The following MAP2 variants were observed in gnomAD, a reference collection of about 807,000 sequenced individuals.
MAP2 encodes microtubule associated protein 2.
In MAP2, 14 loss-of-function variants were observed where a neutral mutation model predicts 137.6. The observed-to-expected ratio is 0.10, with a 90% CI of 0.07 to 0.16. The LOEUF is 0.16. Among genes scored for constraint, MAP2 ranks in the 10% least tolerant of loss-of-function variants. The probability of loss-of-function intolerance (pLI) is 1.00; values close to 1 mark genes in which losing one functional copy is unlikely to be tolerated. For synonymous variants in MAP2, 786 were observed against 782.3 expected (o/e 1.00, Z -0.08); for missense variants, 2,088 against 2,191.5 (o/e 0.95, Z 0.94).
intron 3 of MAP2, among the ~76,000 whole-genome samples, chr2:209,595,061 T>G (rs1030774324): frequency 3.3e-5 from 5 of 152,128 alleles, no homozygotes; most frequent in Non-Finnish European, 7.4e-5. Flanking sequence ...GAACTAGAAA[T>G]TATATGGTGG....
chr2:209,455,667 C>G (rs1464819093), intron 1 of MAP2, among the ~76,000 whole-genome samples: 3 of 152,148 alleles, frequency 2.0e-5, no homozygotes, highest in African/African-American at 7.2e-5. Context: ...ATATGTAGAG[C>G]TGGATGACTC....
intron 1 of MAP2, among the ~76,000 whole-genome samples, chr2:209,478,804 G>A (rs1261720494): frequency 6.6e-6 from 1 of 152,068 alleles, no homozygotes; most frequent in East Asian, 1.9e-4. Flanking sequence ...TGTTTTAATT[G>A]ATGTCTTGTG....
chr2:209,637,670 C>G (rs960007877), intron 4 of MAP2, among the ~76,000 whole-genome samples: 7 of 152,048 alleles, frequency 4.6e-5, no homozygotes, highest in Admixed American at 2.6e-4. Flanking sequence ...TTTCTCCTCA[C>G]TTACTACAGT....
chr2:209,571,569 C>A (rs911451543), intron 2 of MAP2, among the ~76,000 whole-genome samples: 2 of 151,956 alleles, frequency 1.3e-5, no homozygotes, highest in African/African-American at 4.8e-5. Context: ...TTATAGTTTT[C>A]CTTTCAACCT....
chr2:209,693,569 G>A lies in MAP2; in HGVS notation c.1399G>A (p.Asp467Asn). The change falls in exon 8 of 16, where the codon GAT becomes AAT. Residue 467 changes from aspartate to asparagine, a missense_variant. Asp to Asn is a conservative substitution (Grantham distance 23). Transcript: ENST00000682079. ...AGAGAGTAAACCCCCAAAACCTGCAGATGAAGAAATAGGCATAATTCAGAC... is the reference window on the plus strand; with the variant it reads ...AGAGAGTAAACCCCCAAAACCTGCAAATGAAGAAATAGGCATAATTCAGAC... ...PKESKPPKPA[D>N]EEIGIIQTST... is the part of the protein sequence containing the mutation. 1 of 1,612,998 alleles carries A rather than the reference G, an allele frequency of 6.2e-7. No individual in the cohort carries two copies. Among genetic ancestry groups the A allele is most frequent in the South Asian group, 1.1e-5 (1 of 90,758 alleles).
chr2:209,577,503 T>C (rs1420773888), intron 2 of MAP2, among the ~76,000 whole-genome samples: 1 of 152,174 alleles, frequency 6.6e-6, no homozygotes, highest in East Asian at 1.9e-4. Flanking sequence ...CAGTAAAATA[T>C]GAAGGTCAAA....
chr2:209,604,139 G>C (rs563537749), intron 3 of MAP2, among the ~76,000 whole-genome samples: 2 of 152,274 alleles, frequency 1.3e-5, no homozygotes, highest in African/African-American at 4.8e-5. Flanking sequence ...GTGCCAACAA[G>C]AAGGCTATAG....
At chr2:209,657,528 G>A (rs972133381) in intron 5 of MAP2, among the ~76,000 whole-genome samples, 1 of 152,148 alleles carries the variant, frequency 6.6e-6, no homozygotes, top group Non-Finnish European at 1.5e-5. Flanking sequence ...GTGATGATTA[G>A]TGATGTTGAG....
intron 11 of MAP2, among the ~76,000 whole-genome samples, chr2:209,702,117 A>G (rs1583963431): frequency 6.6e-6 from 1 of 152,072 alleles, no homozygotes; most frequent in East Asian, 1.9e-4. Flanking sequence ...AGGAGCAGAT[A>G]TAGAAAATAA....
In MAP2 at chr2:209,695,192, A is replaced by G; in HGVS notation, c.3022A>G (p.Thr1008Ala). Residue 1008 changes from threonine (T) to alanine (A), a missense_variant, in exon 8 of 16, where the codon ACA (threonine) becomes GCA (alanine). Thr to Ala is a moderately conservative substitution (Grantham distance 58). Coordinates refer to ENST00000682079, the MANE Select transcript of MAP2 (RefSeq NM_001375505.1). ...QALAKDLSIP[T>A]DASSEKAEKG... ...TTTGGCCAAAGATTTGTCAATACCA[A>G]CAGATGCATCCTCTGAGAAAGCAGA... 2 of 1,614,208 alleles carry G rather than the reference A, an allele frequency of 1.2e-6. No homozygotes were observed. Among genetic ancestry groups the G allele is most frequent in the Non-Finnish European group, 1.7e-6 (2 of 1,180,024 alleles).
At chr2:209,655,890 A>T (rs767762995) in intron 5 of MAP2, among the ~76,000 whole-genome samples, 3 of 152,202 alleles carry the variant, frequency 2.0e-5, no homozygotes, top group Non-Finnish European at 4.4e-5. Context: ...AAATCAAAGA[A>T]TCTTCCCTCT....
chr2:209,653,814 G>GA (rs2094956919), intron 5 of MAP2, among the ~76,000 whole-genome samples: 1 of 152,024 alleles, frequency 6.6e-6, no homozygotes, highest in African/African-American at 2.4e-5. Flanking sequence ...TTTTAGAGCA[G>GA]AAAAAAGCAA....
chr2:209,479,120 C>T (rs1708112982), intron 1 of MAP2, among the ~76,000 whole-genome samples: 1 of 151,808 alleles, frequency 6.6e-6, no homozygotes, highest in African/African-American at 2.4e-5. Flanking sequence ...TTTTTTCTTC[C>T]AGAGTTGGAC....
chr2:209,541,042 G>A (rs1310928207), intron 2 of MAP2, among the ~76,000 whole-genome samples: 1 of 150,712 alleles, frequency 6.6e-6, no homozygotes, highest in Admixed American at 6.6e-5. Context: ...TGATTTTTTC[G>A]TTTTTTGAGA....
chr2:209,688,176 C>T (rs947757863), intron 7 of MAP2, among the ~76,000 whole-genome samples: 1 of 151,998 alleles, frequency 6.6e-6, no homozygotes, highest in Non-Finnish European at 1.5e-5. Flanking sequence ...CTTCCTTTTT[C>T]TGTATCATTG....
intron 4 of MAP2, among the ~76,000 whole-genome samples, chr2:209,650,662 G>A (rs1442138018): frequency 2.0e-5 from 3 of 152,120 alleles, no homozygotes; most frequent in Admixed American, 1.3e-4. Context: ...ATAAACTATG[G>A]ACTGTAGTTA....
At chr2:209,512,128 A>T (rs2061801478) in intron 2 of MAP2, among the ~76,000 whole-genome samples, 1 of 152,054 alleles carries the variant, frequency 6.6e-6, no homozygotes. Flanking sequence ...AATAACTTAT[A>T]CTTCATTTCA....
At chr2:209,629,984 G>A (rs973570942) in intron 4 of MAP2, among the ~76,000 whole-genome samples, 1 of 152,150 alleles carries the variant, frequency 6.6e-6, no homozygotes, top group African/African-American at 2.4e-5. Flanking sequence ...GGAGGGTGCT[G>A]TTATTAAGTC....
chr2:209,607,512 G>C (rs998606203), intron 3 of MAP2, among the ~76,000 whole-genome samples: 1 of 152,196 alleles, frequency 6.6e-6, no homozygotes, highest in Non-Finnish European at 1.5e-5. Context: ...TCAGCTCATT[G>C]CAACCGCTGC....
Sources: allele counts gnomAD v4.1 joint callset (sites outside exome capture counted in the v4.1 genomes callset), GRCh38; gene constraint gnomAD v4.1.1; transcripts MANE v1.5; gene names NCBI Gene and HGNC (gene_info 2026-07-23, HGNC 2026-07-21).